SCFD2: variants seen among roughly 807,000 people sequenced by gnomAD.
SCFD2 encodes sec1 family domain containing 2.
A neutral mutation model predicts 58.9 loss-of-function variants in SCFD2; 54 were observed. The observed-to-expected ratio is 0.92, with a 90% CI of 0.74 to 1.15. The LOEUF (loss-of-function observed/expected upper bound fraction) is 1.15. SCFD2 is among the 50% of genes most tolerant of loss of function. The probability of loss-of-function intolerance (pLI) is 0.00; values close to 1 mark genes in which losing one functional copy is unlikely to be tolerated. For synonymous variants in SCFD2, 321 were observed against 335.9 expected (o/e 0.96, Z 0.49); for missense variants, 805 against 836.6 (o/e 0.96, Z 0.47).
At chr4:53,308,388 C>A (rs111505566) in intron 3 of SCFD2, among the ~76,000 whole-genome samples, 1 of 152,256 alleles carries the variant, frequency 6.6e-6, no homozygotes, top group African/African-American at 2.4e-5. Context: ...CCATATATCA[C>A]ATGGTATGTT....
At chr4:53,339,949 A>T (rs1473653772) in intron 2 of SCFD2, among the ~76,000 whole-genome samples, 1 of 152,166 alleles carries the variant, frequency 6.6e-6, no homozygotes, top group Non-Finnish European at 1.5e-5. Flanking sequence ...TTGTTAAATG[A>T]TCTAAATATA....
At chr4:53,238,813 C>A (rs1187234728) in intron 4 of SCFD2, among the ~76,000 whole-genome samples, 12 of 147,142 alleles carry the variant, frequency 8.2e-5, no homozygotes, top group South Asian at 2.2e-4. Flanking sequence ...GGCGGCCGGG[C>A]AGAGGTGCTC....
intron 5 of SCFD2, among the ~76,000 whole-genome samples, chr4:53,011,309 C>T (rs749242381): frequency 6.6e-6 from 1 of 152,148 alleles, no homozygotes; most frequent in African/African-American, 2.4e-5. Context: ...CAGTAAATAG[C>T]TCCAGCCTTC....
At chr4:53,287,763 C>T (rs978311456) in intron 3 of SCFD2, among the ~76,000 whole-genome samples, 3 of 151,734 alleles carry the variant, frequency 2.0e-5, no homozygotes, top group Non-Finnish European at 1.5e-5. Context: ...TTATGAATTG[C>T]CTAAAAAGAA....
chr4:53,252,878 A>C (rs899196400), intron 4 of SCFD2, among the ~76,000 whole-genome samples: 33 of 152,338 alleles, frequency 2.2e-4, no homozygotes, highest in Admixed American at 1.0e-3. Flanking sequence ...AAAAGCCAAA[A>C]TTGACAAATG....
At chr4:53,265,191 G>A (rs1224214360) in intron 4 of SCFD2, among the ~76,000 whole-genome samples, 2 of 152,024 alleles carry the variant, frequency 1.3e-5, no homozygotes, top group African/African-American at 4.8e-5. Flanking sequence ...TTTTATAGAG[G>A]GGAAATCAGA....
chr4:53,113,396 T>C (rs1017680358), intron 5 of SCFD2, among the ~76,000 whole-genome samples: 1 of 152,100 alleles, frequency 6.6e-6, no homozygotes, highest in Admixed American at 6.6e-5. Context: ...GCCTGTGTCC[T>C]GGAGTAAGGG....
At chr4:52,957,972 C>T (rs759314275) in intron 5 of SCFD2, 1 of 152,168 alleles carries the variant, frequency 6.6e-6, no homozygotes, top group Admixed American at 6.5e-5. Context: ...GTGTCATTAA[C>T]CCTAACATAC....
At chr4:53,241,582 C>G (rs1560405616) in intron 4 of SCFD2, among the ~76,000 whole-genome samples, 1 of 152,200 alleles carries the variant, frequency 6.6e-6, no homozygotes, top group Non-Finnish European at 1.5e-5. Context: ...CCACTTGTAT[C>G]CTCCCACCAC....
At chr4:52,963,880 A>G (rs1202966304) in intron 5 of SCFD2, among the ~76,000 whole-genome samples, 1 of 152,218 alleles carries the variant, frequency 6.6e-6, no homozygotes, top group Non-Finnish European at 1.5e-5. Context: ...GCAACATTAA[A>G]AGTTCCATAT....
At chr4:53,189,971 A>C (rs2148956749) in intron 4 of SCFD2, among the ~76,000 whole-genome samples, 1 of 152,344 alleles carries the variant, frequency 6.6e-6, no homozygotes, top group East Asian at 1.9e-4. Context: ...TTTGGGACTT[A>C]TTTTCAATAC....
At chr4:53,027,404 T>C (rs1577669373) in intron 5 of SCFD2, among the ~76,000 whole-genome samples, 1 of 152,306 alleles carries the variant, frequency 6.6e-6, no homozygotes, top group East Asian at 1.9e-4. Flanking sequence ...TAGAGAAATC[T>C]CTCCCAGCCC....
intron 3 of SCFD2, among the ~76,000 whole-genome samples, chr4:53,311,031 T>C (rs926851219): frequency 6.6e-6 from 1 of 152,226 alleles, no homozygotes; most frequent in African/African-American, 2.4e-5. Flanking sequence ...TGATAAGCTA[T>C]ATGATAGACA....
At chr4:53,347,200 A>G (rs534256962) in intron 2 of SCFD2, among the ~76,000 whole-genome samples, 58 of 152,326 alleles carry the variant, frequency 3.8e-4, no homozygotes, top group African/African-American at 1.1e-3. Context: ...TACTAAGCCA[A>G]TGACAGTGTT....
In SCFD2 at chr4:53,353,265, T is replaced by C. The variant is rs868392909; in HGVS notation, c.839-499A>G. 2.4e-4 allele frequency among the ~76,000 whole-genome samples: 37 copies of C among 152,168 alleles called. 1 individual carries two copies. Among genetic ancestry groups the C allele is most frequent in the African/African-American group, 8.4e-4 (35 of 41,558 alleles). On this transcript the variant is annotated intron_variant, in intron 1 of 8. Coordinates refer to ENST00000401642, the MANE Select transcript of SCFD2 (RefSeq NM_152540.4). Reference sequence around the variant, plus strand: ...AAGGCAGCGCGTCTGGAGTTGTTCGTTCCTCTCCTCTGGGGTTGTTCATCC... The same window carrying C: ...AAGGCAGCGCGTCTGGAGTTGTTCGCTCCTCTCCTCTGGGGTTGTTCATCC...
chr4:53,050,616 C>T (rs774226330), intron 5 of SCFD2, among the ~76,000 whole-genome samples: 5 of 152,274 alleles, frequency 3.3e-5, no homozygotes, highest in Admixed American at 6.5e-5. Flanking sequence ...ACCTGATTGC[C>T]GACACCATCT....
chr4:52,879,798 G>C (rs1452863565), intron 8 of SCFD2, among the ~76,000 whole-genome samples: 3 of 152,210 alleles, frequency 2.0e-5, no homozygotes, highest in African/African-American at 7.2e-5. Context: ...AGGAAGCAGG[G>C]AAGTCCAGGA....
At chr4:53,237,924 T>C in intron 4 of SCFD2, among the ~76,000 whole-genome samples, 1 of 104,800 alleles carries the variant, frequency 9.5e-6, no homozygotes, top group East Asian at 3.7e-4. Context: ...CCCACCTCCC[T>C]TCCGGACGGG....
At chr4:53,151,718 A>T (rs929085815) in intron 4 of SCFD2, among the ~76,000 whole-genome samples, 5 of 152,192 alleles carry the variant, frequency 3.3e-5, no homozygotes, top group Admixed American at 2.0e-4. Context: ...GTGTTAGTCC[A>T]TTTGTGTTGC....
Sources: gnomAD v4.1 joint callset for allele counts (sites outside exome capture counted in the v4.1 genomes callset) on GRCh38, gnomAD v4.1.1 for gene constraint, MANE v1.5 for transcripts, NCBI Gene and HGNC (gene_info 2026-07-23, HGNC 2026-07-21) for gene names.